The following DYNC2H1 variants were observed in gnomAD, a reference collection of about 807,000 sequenced individuals.
DYNC2H1 encodes the protein cytoplasmic dynein 2 heavy chain 1.
A neutral mutation model predicts 570.0 loss-of-function variants in DYNC2H1; 410 were observed. The observed-to-expected ratio is 0.72, with a 90% CI of 0.66 to 0.78. The LOEUF (loss-of-function observed/expected upper bound fraction) is 0.78, where lower values mean the gene tolerates loss of function less well. Ranked by LOEUF, DYNC2H1 falls within the 30% of genes least tolerant of loss-of-function variation. The pLI is 0.00. For missense variants in DYNC2H1, 4,865 were observed against 5,046.4 expected (o/e 0.96, Z 1.09); for synonymous variants, 1,688 against 1,677.6 (o/e 1.01, Z -0.15).
At chr11:103,359,208 C>T (rs1940511211) in intron 83 of DYNC2H1, among the ~76,000 whole-genome samples, 1 of 152,226 alleles carries the variant, frequency 6.6e-6, no homozygotes, top group Non-Finnish European at 1.5e-5. Context: ...ACTTATATCT[C>T]TGTTTTTTAT....
Position 103,154,473 on chromosome 11 carries a change from C to A in DYNC2H1, c.3325C>A (p.Leu1109Met). The change falls in exon 23 of 89, where the codon CTG becomes ATG. Residue 1109 changes from leucine (L) to methionine (M), a missense_variant. This residue lies in a region of DYNC2H1 where 1,936 missense variants were observed against 1,962.1 expected (regional missense o/e 0.99). Transcript: ENST00000375735. ...KLVDDCHHFR[L>M]EEPNFSLASS... Reference sequence around the variant, plus strand: ...TAGTGATGATTGCCATCATTTTAGACTGGAAGAGCCTAATTTCTCCCTGGC... The same window carrying A: ...TAGTGATGATTGCCATCATTTTAGAATGGAAGAGCCTAATTTCTCCCTGGC... The A allele has an allele frequency of 1.3e-6, 2 of 1,545,142 alleles. No homozygotes were observed. Among genetic ancestry groups the A allele is most frequent in the South Asian group, 1.3e-5 (1 of 79,508 alleles).
chr11:103,377,225 C>T (rs1230302119), intron 83 of DYNC2H1, among the ~76,000 whole-genome samples: 1 of 152,158 alleles, frequency 6.6e-6, no homozygotes, highest in African/African-American at 2.4e-5. Flanking sequence ...GTCTCTTCTC[C>T]CTCTTGCACT....
At position 103,204,130 on chromosome 11, in the gene DYNC2H1, A is replaced by G. The variant is rs1488805536; in HGVS notation, c.8311+354A>G. Among the ~76,000 whole-genome samples the G allele has an allele frequency of 2.0e-5, 3 of 152,146 alleles. No homozygotes were observed. The highest frequency in any genetic ancestry group is 4.8e-5 in the African/African-American group (2 of 41,438). ...GCAGCAAGCAAAGGAGGGCTTGTGCAGAAAAACTCCTGTTTTTAAAACCAT... is the reference window on the plus strand; with the variant it reads ...GCAGCAAGCAAAGGAGGGCTTGTGCGGAAAAACTCCTGTTTTTAAAACCAT... On this transcript the variant is annotated intron_variant, in intron 51 of 88. Transcript: ENST00000375735. This position sits in a 1 kb window ranked among gnomAD's most constrained non-coding sequence, Gnocchi z 4.1.
rs571571283 is a variant in DYNC2H1 at position 103,227,627 on chromosome 11, C to CA, written c.9354-3632dup. Among the ~76,000 whole-genome samples the CA allele has an allele frequency of 3.4e-3, 515 of 152,214 alleles. 3 individuals carry two copies. The highest frequency in any genetic ancestry group is 0.011 in the African/African-American group (477 of 41,544). The stretch of plus-strand genomic sequence containing the variant: ...ATATGGTCTATTTTGGAGAATGTTC[C>CA]ATGTGCTGATGAATAGAATGTATAT... On this transcript the variant is annotated intron_variant, in intron 59 of 88. Coordinates refer to ENST00000375735, the MANE Select transcript of DYNC2H1 (RefSeq NM_001377.3).
At chr11:103,286,604 G>T (rs1265717814) in intron 74 of DYNC2H1, among the ~76,000 whole-genome samples, 7 of 151,828 alleles carry the variant, frequency 4.6e-5, no homozygotes, top group Non-Finnish European at 1.0e-4. Flanking sequence ...TATTCCTTTT[G>T]TCTCAGACCC....
chr11:103,211,679 T>TA (rs1863159329), intron 53 of DYNC2H1, 110 bp from the exon 54 acceptor site: 3 of 459,788 alleles, frequency 6.5e-6, no homozygotes, highest in Non-Finnish European at 1.1e-5. Flanking sequence ...TATTTATAAC[T>TA]ATATAGCATG....
Position 103,155,423 on chromosome 11 carries a change from G to A in DYNC2H1, c.3666G>A (p.Gly1222=), listed in dbSNP as rs185193912. 3 of 1,612,434 alleles carry A rather than the reference G, an allele frequency of 1.9e-6. No individual in the cohort carries two copies. The highest frequency in any genetic ancestry group is 3.3e-5 in the Admixed American group (2 of 59,896). Residue 1222 remains glycine, a synonymous_variant, in exon 25 of 89, where the codon GGG becomes GGA. Coordinates refer to ENST00000375735, the MANE Select transcript of DYNC2H1 (RefSeq NM_001377.3). ...TTCGTCTCCTTGGACTTCCTAGGGG[G>A]ACTAGTCTAGAGAAACTACTGTTTG... ...DLFRLLGLPR[G]TSLEKLLFGD... is the part of the protein sequence containing the mutation.
intron 87 of DYNC2H1, among the ~76,000 whole-genome samples, chr11:103,459,199 C>G (rs1944906554): frequency 6.9e-6 from 1 of 144,446 alleles, no homozygotes; most frequent in Non-Finnish European, 1.5e-5. Flanking sequence ...GTCCCAGCTA[C>G]TTGGGAGGCT....
intron 65 of DYNC2H1, among the ~76,000 whole-genome samples, chr11:103,247,142 A>G (rs980783640): frequency 6.6e-6 from 1 of 152,004 alleles, no homozygotes; most frequent in African/African-American, 2.4e-5. Flanking sequence ...AGGCTAGTGT[A>G]GTTGGCTAAT....
At position 103,261,479 on chromosome 11, in the gene DYNC2H1, G is replaced by A. The variant is rs1046869143; in HGVS notation, c.10695+1502G>A. On this transcript the variant is annotated intron_variant, in intron 70 of 88. Coordinates refer to ENST00000375735, the MANE Select transcript of DYNC2H1 (RefSeq NM_001377.3). The surrounding 1 kb of genome is among the most constrained non-coding windows in gnomAD (Gnocchi z 4.8). The stretch of plus-strand genomic sequence containing the variant: ...TGGCATCTGGTGCGTGCCCCTCTAG[G>A]ACGAAGCTTCCAGAGGAAAGAACAG... 1.3e-5 allele frequency among the ~76,000 whole-genome samples: 2 copies of A among 152,130 alleles called. No homozygotes were observed. The highest frequency in any genetic ancestry group is 2.9e-5 in the Non-Finnish European group (2 of 68,044).
At chr11:103,362,653 G>T (rs1940712144) in intron 83 of DYNC2H1, among the ~76,000 whole-genome samples, 1 of 151,970 alleles carries the variant, frequency 6.6e-6, no homozygotes. Flanking sequence ...TCTTTGACTT[G>T]CCTTAGTTGA....
intron 69 of DYNC2H1, 121 bp downstream of exon 69, chr11:103,257,872 C>T (rs1446578302): frequency 2.9e-6 from 3 of 1,049,954 alleles, no homozygotes; most frequent in South Asian, 3.6e-5. Flanking sequence ...TCCAAAAGAC[C>T]ACATGTAACA....
chr11:103,378,465 G>C (rs1034994173), intron 83 of DYNC2H1, among the ~76,000 whole-genome samples: 1 of 152,096 alleles, frequency 6.6e-6, no homozygotes, highest in African/African-American at 2.4e-5. Context: ...TAAGCCTTTG[G>C]GATACTGCAA....
intron 87 of DYNC2H1, among the ~76,000 whole-genome samples, chr11:103,463,892 C>T (rs1164435038): frequency 6.6e-6 from 1 of 152,168 alleles, no homozygotes; most frequent in African/African-American, 2.4e-5. Context: ...TACCTATCCA[C>T]GAGATCTGCA....
At chr11:103,153,202 A>G (rs1413843353) in intron 21 of DYNC2H1, 101 bp from the exon 22 acceptor site, 24 of 1,021,912 alleles carry the variant, frequency 2.3e-5, no homozygotes, top group Non-Finnish European at 3.3e-5. Context: ...TTGGTCATTG[A>G]TATTTTTTCA....
intron 45 of DYNC2H1, among the ~76,000 whole-genome samples, chr11:103,190,958 G>A (rs1199962806): frequency 8.2e-6 from 1 of 121,352 alleles, no homozygotes; most frequent in Non-Finnish European, 1.8e-5. Context: ...GGGCTTTTTA[G>A]CCTTTTTTTT....
chr11:103,130,746 T>G (rs2134756881), intron 13 of DYNC2H1, among the ~76,000 whole-genome samples: 1 of 152,316 alleles, frequency 6.6e-6, no homozygotes, highest in African/African-American at 2.4e-5. Flanking sequence ...TCCTTACAAC[T>G]TTTTCTTCCC....
In DYNC2H1 at chr11:103,245,421, AAAGT is replaced by A; in HGVS notation, c.10042+54_10042+57del. 5 of 1,518,752 alleles carry A rather than the reference AAAGT, an allele frequency of 3.3e-6. No individual in the cohort carries two copies. The highest frequency in any genetic ancestry group is 4.4e-6 in the Non-Finnish European group (5 of 1,134,604). 94.1% of individuals were successfully genotyped at this position (1,518,752 alleles called of 1,614,324 possible). ...GAGTGTAAATATTTTTAAAATTTCC[AAAGT>A]AAGTAATTAAACCAGGTGCAAGCTT... On this transcript the variant is annotated intron_variant, in intron 65 of 88. Transcript: ENST00000375735. This position sits in a 1 kb window ranked among gnomAD's most constrained non-coding sequence, Gnocchi z 4.5.
In DYNC2H1 at chr11:103,241,401, T is replaced by G. The variant is rs966014491; in HGVS notation, c.9820-2292T>G. On this transcript the variant is annotated intron_variant, in intron 63 of 88. Coordinates refer to ENST00000375735, the MANE Select transcript of DYNC2H1 (RefSeq NM_001377.3). This position sits in a 1 kb window ranked among gnomAD's most constrained non-coding sequence, Gnocchi z 5.1. ...ATGTACCATAGAAATCTTATCTAAATCTGTCTGGAGACGTAAAATAAGATG... is the reference window on the plus strand; with the variant it reads ...ATGTACCATAGAAATCTTATCTAAAGCTGTCTGGAGACGTAAAATAAGATG... 2 of 744,954 alleles carry G rather than the reference T, an allele frequency of 2.7e-6. No homozygotes were observed. The highest frequency in any genetic ancestry group is 4.4e-6 in the Non-Finnish European group (2 of 449,528). The allele number at this position is 744,954 out of a possible 1,614,324, so 46.1% of individuals were successfully genotyped here. A position where few individuals can be genotyped will look rare whatever the true frequency, so the allele number is the denominator to read the frequency against.
Sources: allele counts gnomAD v4.1 joint callset (sites outside exome capture counted in the v4.1 genomes callset), GRCh38; gene constraint gnomAD v4.1.1; regional missense constraint gnomAD v4.1.1; non-coding constraint Gnocchi (gnomAD v3.1); transcripts MANE v1.5; gene names NCBI Gene and HGNC (gene_info 2026-07-23, HGNC 2026-07-21).